The following WWOX variants were observed in gnomAD, a reference collection of about 807,000 sequenced individuals.
WWOX encodes WW domain containing oxidoreductase, also known as WW domain-containing oxidoreductase.
Under a neutral mutation model 46.2 loss-of-function variants are expected in WWOX, and 69 were observed. The observed-to-expected ratio is 1.49, with a 90% CI of 1.23 to 1.82. The LOEUF (loss-of-function observed/expected upper bound fraction) is 1.82, where lower values mean the gene tolerates loss of function less well. Among genes scored for constraint, WWOX ranks in the 40% most tolerant of loss-of-function variants. The pLI, the probability that WWOX is intolerant of heterozygous loss-of-function variation, is 0.00. For synonymous variants in WWOX, 359 were observed against 202.6 expected, an observed-to-expected ratio of 1.77 and a Z score of -6.56; for missense variants, 919 against 542.6, an observed-to-expected ratio of 1.69 and a Z score of -6.89.
intron 5 of WWOX, among the ~76,000 whole-genome samples, chr16:78,323,390 C>G (rs1031785736): frequency 6.6e-6 from 1 of 152,210 alleles, no homozygotes; most frequent in Non-Finnish European, 1.5e-5. Context: ...CAGGCGTGAG[C>G]CACTGCGCCC....
chr16:78,866,588 T>A (rs1322205671), intron 8 of WWOX, among the ~76,000 whole-genome samples: 1 of 152,096 alleles, frequency 6.6e-6, no homozygotes, highest in Non-Finnish European at 1.5e-5. Flanking sequence ...ATCACTTAAG[T>A]GTTCAGGGCC....
chr16:78,239,036 C>T (rs962465449), intron 5 of WWOX, among the ~76,000 whole-genome samples: 2 of 152,198 alleles, frequency 1.3e-5, no homozygotes, highest in African/African-American at 4.8e-5. Flanking sequence ...TCGTACCTGC[C>T]TGATTCCAGG....
chr16:78,849,732 G>A (rs563539765), intron 8 of WWOX, among the ~76,000 whole-genome samples: 13 of 152,104 alleles, frequency 8.5e-5, no homozygotes, highest in South Asian at 6.2e-4. Context: ...AGCAAAGGGC[G>A]AGGTTTATAT....
intron 6 of WWOX, among the ~76,000 whole-genome samples, chr16:78,414,298 C>T (rs374151945): frequency 6.6e-6 from 1 of 152,180 alleles, no homozygotes; most frequent in Non-Finnish European, 1.5e-5. Flanking sequence ...TCACACAAAG[C>T]CTGTTTGGTG....
intron 8 of WWOX, among the ~76,000 whole-genome samples, chr16:78,760,600 C>G (rs958215301): frequency 1.3e-5 from 2 of 152,172 alleles, no homozygotes; most frequent in Non-Finnish European, 2.9e-5. Context: ...GTCTGTGTCT[C>G]CCCTCCAAGA....
chr16:78,150,336 C>G (rs1390614893), intron 4 of WWOX, among the ~76,000 whole-genome samples: 1 of 152,178 alleles, frequency 6.6e-6, no homozygotes, highest in African/African-American at 2.4e-5. Flanking sequence ...ACATGCTCAG[C>G]AATCTGGAAG....
At chr16:78,634,024 C>T (rs1021306423) in intron 8 of WWOX, among the ~76,000 whole-genome samples, 31 of 151,952 alleles carry the variant, frequency 2.0e-4, no homozygotes, top group African/African-American at 7.0e-4. Context: ...AGCCAACTGA[C>T]AGCCAGCTGT....
chr16:78,485,213 A>G (rs187582747), intron 8 of WWOX, among the ~76,000 whole-genome samples: 1 of 152,316 alleles, frequency 6.6e-6, no homozygotes, highest in East Asian at 1.9e-4. Flanking sequence ...TGGGAAGTGT[A>G]GAGTTTCATA....
intron 8 of WWOX, among the ~76,000 whole-genome samples, chr16:78,648,866 G>A (rs1010469522): frequency 1.3e-5 from 2 of 152,100 alleles, no homozygotes; most frequent in African/African-American, 4.8e-5. Flanking sequence ...TATTATTTGG[G>A]TTCCCTTTGT....
At chr16:78,946,109 T>G (rs988553126) in intron 8 of WWOX, among the ~76,000 whole-genome samples, 2 of 152,144 alleles carry the variant, frequency 1.3e-5, no homozygotes, top group African/African-American at 2.4e-5. Context: ...TTCAGGAAAT[T>G]CCTCCAGTTA....
chr16:78,218,119 A>AGGG (rs1259472010), intron 5 of WWOX, among the ~76,000 whole-genome samples: 3 of 151,952 alleles, frequency 2.0e-5, no homozygotes, highest in Admixed American at 1.3e-4. Flanking sequence ...CAGTGGTGCA[A>AGGG]TCACAGCTCA....
intron 5 of WWOX, among the ~76,000 whole-genome samples, chr16:78,318,532 G>C (rs780393973): frequency 6.6e-6 from 1 of 152,030 alleles, no homozygotes; most frequent in Non-Finnish European, 1.5e-5. Flanking sequence ...CAAATGTTAA[G>C]AACACAACAT....
intron 8 of WWOX, among the ~76,000 whole-genome samples, chr16:78,796,740 G>T (rs956064950): frequency 4.6e-5 from 7 of 152,104 alleles, no homozygotes; most frequent in Non-Finnish European, 1.0e-4. Context: ...GCATTCTTCA[G>T]TTCCCAACGG....
intron 6 of WWOX, among the ~76,000 whole-genome samples, chr16:78,402,883 C>G (rs772942788): frequency 8.5e-5 from 13 of 152,164 alleles, no homozygotes; most frequent in Non-Finnish European, 1.3e-4. Context: ...CACTCCACTA[C>G]CACATGTGAA....
chr16:78,457,939 G>A (rs931341833), intron 8 of WWOX, among the ~76,000 whole-genome samples: 4 of 137,512 alleles, frequency 2.9e-5, no homozygotes, highest in Non-Finnish European at 4.5e-5. Flanking sequence ...TTAGCTGGGC[G>A]TAGTGGCAGG....
At chr16:78,400,251 C>A (rs969534333) in intron 6 of WWOX, among the ~76,000 whole-genome samples, 2 of 152,160 alleles carry the variant, frequency 1.3e-5, no homozygotes, top group African/African-American at 4.8e-5. Flanking sequence ...CTGTTTGTCT[C>A]AGAAGTACAA....
chr16:78,869,764 T>C (rs2737285), intron 8 of WWOX, among the ~76,000 whole-genome samples: 103,887 of 152,000 alleles, frequency 0.68, 35,812 homozygotes, highest in South Asian at 0.82. Flanking sequence ...TAAGTCTTGC[T>C]CGCAGATAGC....
At chr16:78,591,258 G>A (rs571203183) in intron 8 of WWOX, among the ~76,000 whole-genome samples, 1 of 152,230 alleles carries the variant, frequency 6.6e-6, no homozygotes, top group South Asian at 2.1e-4. Context: ...TGGGAACAAG[G>A]GAACCTTTCC....
intron 8 of WWOX, among the ~76,000 whole-genome samples, chr16:78,797,357 G>GGAAAAAA (rs1567566659): frequency 6.0e-5 from 1 of 16,772 alleles, no homozygotes; most frequent in Admixed American, 8.7e-4. Flanking sequence ...GGTCAAAGTG[G>GGAAAAAA]TAAAAAAAAA....
Sources: gnomAD v4.1 joint callset for allele counts (sites outside exome capture counted in the v4.1 genomes callset) on GRCh38, gnomAD v4.1.1 for gene constraint, MANE v1.5 for transcripts, NCBI Gene and HGNC (gene_info 2026-07-23, HGNC 2026-07-21) for gene names.